WDR70: variants seen among roughly 807,000 people sequenced by gnomAD.
WDR70 encodes WD repeat domain 70, also known as WD repeat-containing protein 70.
WDR70 carries 53 observed loss-of-function variants against 88.6 expected under a neutral mutation model. That is an observed-to-expected ratio of 0.60 (90% confidence interval 0.48 to 0.75). The LOEUF is 0.75. WDR70 is among the 30% of genes least tolerant of loss of function. The pLI, the probability that WDR70 is intolerant of heterozygous loss-of-function variation, is 0.00. For missense variants in WDR70, 610 were observed against 823.2 expected, an observed-to-expected ratio of 0.74 and a Z score of 3.17; for synonymous variants, 280 against 270.0, an observed-to-expected ratio of 1.04 and a Z score of -0.36.
intron 17 of WDR70, among the ~76,000 whole-genome samples, chr5:37,736,320 T>G (rs1236841954): frequency 6.6e-6 from 1 of 152,168 alleles, no homozygotes; most frequent in Non-Finnish European, 1.5e-5. Context: ...TTGTCTGATA[T>G]TGGATATATG....
At chr5:37,463,558 C>T (rs73749041) in intron 7 of WDR70, among the ~76,000 whole-genome samples, 2,033 of 152,336 alleles carry the variant, frequency 0.013, 45 homozygotes, top group African/African-American at 0.046. Flanking sequence ...CTCATATACT[C>T]CACTTGCCCC....
intron 10 of WDR70, among the ~76,000 whole-genome samples, chr5:37,617,412 G>T (rs1364514322): frequency 3.3e-5 from 5 of 152,174 alleles, no homozygotes; most frequent in African/African-American, 1.2e-4. Flanking sequence ...GAATTTTATG[G>T]TCTTAAATTA....
chr5:37,602,480 G>A (rs186503390), intron 9 of WDR70, among the ~76,000 whole-genome samples: 16 of 151,898 alleles, frequency 1.1e-4, no homozygotes, highest in Admixed American at 8.5e-4. Context: ...GGTGGCGGGC[G>A]CCTGTAATCC....
At chr5:37,446,941 G>A (rs1282839917) in intron 7 of WDR70, among the ~76,000 whole-genome samples, 10 of 152,256 alleles carry the variant, frequency 6.6e-5, no homozygotes, top group East Asian at 3.9e-4. Flanking sequence ...TTGACAAATG[G>A]GATCTAATTA....
chr5:37,452,869 C>A (rs1402779343), intron 7 of WDR70, among the ~76,000 whole-genome samples: 37 of 152,082 alleles, frequency 2.4e-4, no homozygotes, highest in Admixed American at 2.4e-3. Flanking sequence ...AAGAACGCCC[C>A]CATAGCTATT....
intron 8 of WDR70, among the ~76,000 whole-genome samples, chr5:37,495,459 T>C (rs1740187156): frequency 6.6e-6 from 1 of 151,984 alleles, no homozygotes; most frequent in Non-Finnish European, 1.5e-5. Flanking sequence ...TCTCTCTCTC[T>C]CTCTCTTTCT....
chr5:37,684,610 G>C (rs1463144954), intron 10 of WDR70, among the ~76,000 whole-genome samples: 1 of 152,204 alleles, frequency 6.6e-6, no homozygotes, highest in Non-Finnish European at 1.5e-5. Flanking sequence ...CTCTAACTCT[G>C]GGGAACTTGT....
chr5:37,564,010 C>T (rs1343018345), intron 9 of WDR70, among the ~76,000 whole-genome samples: 2 of 149,650 alleles, frequency 1.3e-5, no homozygotes, highest in South Asian at 4.4e-4. Context: ...GATGGGATGG[C>T]GGCCGGGCAG....
At chr5:37,632,989 A>G (rs1315591590) in intron 10 of WDR70, among the ~76,000 whole-genome samples, 1 of 151,892 alleles carries the variant, frequency 6.6e-6, no homozygotes, top group African/African-American at 2.4e-5. Context: ...GTTTAGATAC[A>G]CAAATATTGA....
chr5:37,618,585 G>A lies in WDR70; in HGVS notation c.1092+13347G>A, dbSNP rs966196866. Among the ~76,000 whole-genome samples the A allele has an allele frequency of 2.6e-5, 4 of 152,278 alleles. No individual in the cohort carries two copies. In the South Asian group the frequency reaches 8.3e-4, roughly 32 times the overall value. On this transcript the variant is annotated intron_variant, in intron 10 of 17. Coordinates refer to ENST00000265107, the MANE Select transcript of WDR70 (RefSeq NM_018034.4). ...GGGTTTCATCATGTTGGCCAGGCTG[G>A]TCTCAAACTCCTGACCTCAAGTGAT...
chr5:37,691,947 A>G (rs867681827), intron 10 of WDR70, among the ~76,000 whole-genome samples: 3 of 152,326 alleles, frequency 2.0e-5, no homozygotes, highest in Middle Eastern at 3.4e-3. Context: ...AACAAAATTG[A>G]TAGACCACTA....
intron 5 of WDR70, among the ~76,000 whole-genome samples, chr5:37,426,184 G>T (rs1227568624): frequency 6.6e-6 from 1 of 152,136 alleles, no homozygotes; most frequent in Non-Finnish European, 1.5e-5. Flanking sequence ...GGTAATAAGT[G>T]TCATGGAAAC....
intron 7 of WDR70, among the ~76,000 whole-genome samples, chr5:37,474,058 T>C (rs60505985): frequency 6.6e-6 from 1 of 152,250 alleles, no homozygotes. Context: ...TAACATTTTC[T>C]AATTTGTATT....
intron 15 of WDR70, 126 bp from the exon 16 acceptor site, chr5:37,724,808 T>G: frequency 2.1e-6 from 2 of 970,182 alleles, no homozygotes; most frequent in Non-Finnish European, 1.6e-6. Flanking sequence ...AAGACTGTCT[T>G]TTATTATCAG....
chr5:37,635,904 T>C (rs974771103), intron 10 of WDR70, among the ~76,000 whole-genome samples: 11 of 152,178 alleles, frequency 7.2e-5, no homozygotes, highest in Admixed American at 2.0e-4. Context: ...TCACGAGATC[T>C]GATGGTTTTA....
intron 17 of WDR70, among the ~76,000 whole-genome samples, chr5:37,743,645 G>A (rs923200602): frequency 1.3e-5 from 2 of 152,200 alleles, no homozygotes; most frequent in Non-Finnish European, 2.9e-5. Flanking sequence ...CACACCGGCT[G>A]TGGCAGTCTG....
At chr5:37,485,549 A>G (rs1029848344) in intron 8 of WDR70, among the ~76,000 whole-genome samples, 12 of 152,222 alleles carry the variant, frequency 7.9e-5, no homozygotes, top group African/African-American at 2.9e-4. Context: ...TCACAAGTCC[A>G]AGAAGTCTGT....
intron 17 of WDR70, among the ~76,000 whole-genome samples, chr5:37,727,275 T>A (rs1747997762): frequency 6.6e-6 from 1 of 152,160 alleles, no homozygotes; most frequent in Non-Finnish European, 1.5e-5. Flanking sequence ...TAGCATAGTG[T>A]AAACCATTAT....
intron 9 of WDR70, among the ~76,000 whole-genome samples, chr5:37,599,182 A>G (rs964827342): frequency 1.3e-5 from 2 of 152,236 alleles, no homozygotes; most frequent in Non-Finnish European, 2.9e-5. Flanking sequence ...AAAAATGCCC[A>G]AATATTAAGA....
Sources: allele counts gnomAD v4.1 joint callset (sites outside exome capture counted in the v4.1 genomes callset), GRCh38; gene constraint gnomAD v4.1.1; transcripts MANE v1.5; gene names NCBI Gene and HGNC (gene_info 2026-07-23, HGNC 2026-07-21).